The following NBEA variants were observed in gnomAD, a reference collection of about 807,000 sequenced individuals.
NBEA encodes the protein neurobeachin.
In NBEA, 44 loss-of-function variants were observed where a neutral mutation model predicts 343.4. The observed-to-expected ratio is 0.13, with a 90% CI of 0.10 to 0.16. The LOEUF (loss-of-function observed/expected upper bound fraction) is 0.16, where lower values mean the gene tolerates loss of function less well. Among genes scored for constraint, NBEA ranks in the 10% least tolerant of loss-of-function variants. NBEA has a pLI of 1.00. For missense variants in NBEA, 2,555 were observed against 3,631.3 expected, an observed-to-expected ratio of 0.70 and a Z score of 7.62; for synonymous variants, 1,175 against 1,238.7, an observed-to-expected ratio of 0.95 and a Z score of 1.08.
intron 40 of NBEA, among the ~76,000 whole-genome samples, chr13:35,459,403 G>A (rs1266473612): frequency 6.6e-6 from 1 of 151,658 alleles, no homozygotes; most frequent in Non-Finnish European, 1.5e-5. Flanking sequence ...ATGTCTTTTT[G>A]AATGCATTCA....
intron 40 of NBEA, among the ~76,000 whole-genome samples, chr13:35,464,301 C>T (rs531687199): frequency 2.0e-5 from 3 of 152,152 alleles, no homozygotes; most frequent in East Asian, 1.9e-4. Flanking sequence ...CTTTCCCTTA[C>T]ACATCCTCAT....
chr13:35,476,127 G>T lies in NBEA; in HGVS notation c.6585+3591G>T, dbSNP rs189182200. 6.6e-5 allele frequency: 107 copies of T among 1,614,046 alleles called. 1 individual carries two copies. The highest frequency in any genetic ancestry group is 3.3e-4 in the Middle Eastern group (2 of 6,062). ...TCAGATGGTAGACCAGCTTGGCCTG[G>T]GCCGCAATCATGTTGGGGCAGAGAT... On this transcript the variant is annotated intron_variant, in intron 41 of 58. Transcript: ENST00000379939.
chr13:35,010,197 G>A (rs1199092292), intron 1 of NBEA, among the ~76,000 whole-genome samples: 1 of 151,998 alleles, frequency 6.6e-6, no homozygotes, highest in Non-Finnish European at 1.5e-5. Flanking sequence ...GATTGAATGA[G>A]GTCATTTAGG....
chr13:34,991,742 ATTTC>A (rs1256829653), intron 1 of NBEA, among the ~76,000 whole-genome samples: 2 of 152,152 alleles, frequency 1.3e-5, no homozygotes, highest in African/African-American at 4.8e-5. Context: ...TATGCATGCC[ATTTC>A]TTTTACTTTT....
intron 41 of NBEA, among the ~76,000 whole-genome samples, chr13:35,528,813 T>C (rs192683632): frequency 6.6e-6 from 1 of 152,332 alleles, no homozygotes; most frequent in East Asian, 1.9e-4. Context: ...TATCTTCTTA[T>C]GTTCATTAAG....
chr13:35,125,689 C>G (rs2067087833), intron 17 of NBEA, among the ~76,000 whole-genome samples: 1 of 152,064 alleles, frequency 6.6e-6, no homozygotes, highest in African/African-American at 2.4e-5. Flanking sequence ...ATCATCAGTG[C>G]AGGTGAATCA....
intron 41 of NBEA, chr13:35,476,296 CCTGCTGCTG>C (rs56240021): frequency 0.018 from 17,494 of 957,492 alleles, 341 homozygotes; most frequent in South Asian, 0.042. Context: ...CGTTGGTTTC[CCTGCTGCTG>C]CTGCTGCTGC....
chr13:35,421,774 C>T (rs1232641995), intron 38 of NBEA, among the ~76,000 whole-genome samples: 2 of 152,074 alleles, frequency 1.3e-5, no homozygotes, highest in South Asian at 2.1e-4. Flanking sequence ...CTGGAGGTCT[C>T]ATCACTGGCT....
intron 48 of NBEA, among the ~76,000 whole-genome samples, chr13:35,626,255 T>G (rs2083225093): frequency 6.6e-6 from 1 of 152,188 alleles, no homozygotes; most frequent in Non-Finnish European, 1.5e-5. Flanking sequence ...GGAGAAACAT[T>G]AAATACATTA....
chr13:35,160,885 G>GT (rs1236474266), intron 22 of NBEA, among the ~76,000 whole-genome samples: 1 of 152,068 alleles, frequency 6.6e-6, no homozygotes, highest in African/African-American at 2.4e-5. Context: ...TTAATGACTT[G>GT]GGTTTTGTTA....
At chr13:35,276,860 C>T (rs527537444) in intron 34 of NBEA, among the ~76,000 whole-genome samples, 2 of 152,038 alleles carry the variant, frequency 1.3e-5, no homozygotes, top group Non-Finnish European at 2.9e-5. Context: ...GCAAAGTCCA[C>T]GTTTTTTTAA....
intron 31 of NBEA, among the ~76,000 whole-genome samples, chr13:35,205,489 C>G (rs950799800): frequency 3.3e-5 from 5 of 152,064 alleles, no homozygotes; most frequent in Non-Finnish European, 7.4e-5. Context: ...TTTTCTCACC[C>G]TTTTACTGTA....
At chr13:35,177,738 C>G (rs2071014050) in intron 28 of NBEA, among the ~76,000 whole-genome samples, 1 of 151,698 alleles carries the variant, frequency 6.6e-6, no homozygotes, top group South Asian at 2.1e-4. Flanking sequence ...GACAGCATCT[C>G]TTAACATGGT....
intron 41 of NBEA, among the ~76,000 whole-genome samples, chr13:35,485,214 G>A (rs1448039655): frequency 2.0e-5 from 3 of 152,006 alleles, no homozygotes; most frequent in African/African-American, 7.2e-5. Context: ...TATTGGATGT[G>A]TACAGTTTAG....
At chr13:35,527,642 C>A (rs1014619902) in intron 41 of NBEA, among the ~76,000 whole-genome samples, 2 of 152,206 alleles carry the variant, frequency 1.3e-5, no homozygotes, top group Non-Finnish European at 1.5e-5. Context: ...TCAGCCACAG[C>A]CTTGTACTGT....
chr13:35,529,962 T>C (rs995446982), intron 41 of NBEA, among the ~76,000 whole-genome samples: 6 of 152,226 alleles, frequency 3.9e-5, no homozygotes, highest in African/African-American at 1.4e-4. Flanking sequence ...GGAATTCAAA[T>C]ATCAATAAGC....
At chr13:35,575,166 T>A (rs1296673081) in intron 45 of NBEA, among the ~76,000 whole-genome samples, 1 of 152,192 alleles carries the variant, frequency 6.6e-6, no homozygotes, top group Non-Finnish European at 1.5e-5. Flanking sequence ...AAAAATGTAA[T>A]CTTAACACTT....
At chr13:35,080,585 A>G (rs1272933891) in intron 10 of NBEA, among the ~76,000 whole-genome samples, 1 of 152,200 alleles carries the variant, frequency 6.6e-6, no homozygotes, top group Admixed American at 6.6e-5. Context: ...AGGAGGGCAT[A>G]TAACCTTTGG....
chr13:35,191,652 T>C (rs2072204663), intron 30 of NBEA, among the ~76,000 whole-genome samples: 1 of 152,090 alleles, frequency 6.6e-6, no homozygotes, highest in Admixed American at 6.6e-5. Flanking sequence ...AATGTGTAAG[T>C]TAGTTACATA....
Sources: allele counts gnomAD v4.1 joint callset (sites outside exome capture counted in the v4.1 genomes callset), GRCh38; gene constraint gnomAD v4.1.1; transcripts MANE v1.5; gene names NCBI Gene and HGNC (gene_info 2026-07-23, HGNC 2026-07-21).